The following FGF14 variants were observed in gnomAD, a reference collection of about 807,000 sequenced individuals.
FGF14 encodes the protein fibroblast growth factor homologous factor 4.
A neutral mutation model predicts 25.5 loss-of-function variants in FGF14; 5 were observed. The observed-to-expected ratio is 0.20, with a 90% CI of 0.10 to 0.41. The LOEUF is 0.41. FGF14 is among the 10% of genes least tolerant of loss of function. The pLI, the probability that FGF14 is intolerant of heterozygous loss-of-function variation, is 1.00. For missense variants in FGF14, 222 were observed against 320.1 expected (o/e 0.69, Z 2.34); for synonymous variants, 138 against 118.3 (o/e 1.17, Z -1.08).
intron 3 of FGF14, among the ~76,000 whole-genome samples, chr13:101,829,470 C>T (rs537988074): frequency 6.6e-6 from 1 of 152,122 alleles, no homozygotes; most frequent in African/African-American, 2.4e-5. Flanking sequence ...AATTATACTG[C>T]TTTTGTACCA....
At chr13:102,281,062 T>C (rs76137422) in intron 1 of FGF14, among the ~76,000 whole-genome samples, 2,834 of 152,346 alleles carry the variant, frequency 0.019, 91 homozygotes, top group African/African-American at 0.065. Flanking sequence ...TACTTTCTTT[T>C]ATTCCTTTTT....
At chr13:102,303,465 A>G (rs1566920024) in intron 1 of FGF14, among the ~76,000 whole-genome samples, 1 of 152,242 alleles carries the variant, frequency 6.6e-6, no homozygotes, top group Non-Finnish European at 1.5e-5. Flanking sequence ...AAAGGAAATC[A>G]ATAAAGAATT....
intron 1 of FGF14, among the ~76,000 whole-genome samples, chr13:101,884,647 C>G (rs996163651): frequency 1.3e-5 from 2 of 152,096 alleles, no homozygotes; most frequent in Non-Finnish European, 2.9e-5. Flanking sequence ...AGAATCAACT[C>G]TCCCACAAAG....
In FGF14 at chr13:102,339,140, T is replaced by C. The variant is rs148174484; in HGVS notation, c.208+62331A>G. On this transcript the variant is annotated intron_variant, in intron 1 of 4. Transcript: ENST00000376131. ...TCTTGAGGGTGTGAACACCCCGTTT[T>C]CCATGATGTGCAAATTTCACACCGC... Among the ~76,000 whole-genome samples, 1,230 of 152,190 alleles carry C rather than the reference T, an allele frequency of 8.1e-3. 19 individuals are homozygous for C. The highest frequency in any genetic ancestry group is 0.028 in the African/African-American group (1,155 of 41,566).
In FGF14 at chr13:101,916,806, C is replaced by T. The variant is rs1474601223; in HGVS notation, c.-161G>A. 1.3e-5 allele frequency among the ~76,000 whole-genome samples: 2 copies of T among 152,126 alleles called. No individual in the cohort carries two copies. Among genetic ancestry groups the T allele is most frequent in the East Asian group, 1.9e-4 (1 of 5,146 alleles). ...AGGGGAAGGGGGGCTCAGTCCTGAC[C>T]GGGACCCATCGCCCTCTCCGCGGGG... On this transcript the variant is annotated 5_prime_UTR_variant, in exon 1 of 5. Transcript: ENST00000376143.
chr13:102,269,779 G>A (rs891033753), intron 1 of FGF14, among the ~76,000 whole-genome samples: 3 of 152,080 alleles, frequency 2.0e-5, no homozygotes, highest in Admixed American at 2.0e-4. Flanking sequence ...ATGAGGCAGG[G>A]GGATTGCTTG....
intron 1 of FGF14, among the ~76,000 whole-genome samples, chr13:102,021,712 A>C (rs189494825): frequency 6.6e-5 from 10 of 152,250 alleles, no homozygotes; most frequent in Admixed American, 2.6e-4. Context: ...AAGAGTCCAC[A>C]GATGAGATAA....
intron 1 of FGF14, among the ~76,000 whole-genome samples, chr13:102,398,727 TTA>T (rs1168216719): frequency 1.3e-5 from 2 of 152,022 alleles, no homozygotes; most frequent in East Asian, 3.9e-4. Flanking sequence ...ATTTTAGGCT[TTA>T]TGTTACTAGC....
At position 102,078,648 on chromosome 13, in the gene FGF14, C is replaced by T. The variant is rs139607104; in HGVS notation, c.209-203352G>A. 3.7e-3 allele frequency among the ~76,000 whole-genome samples: 568 copies of T among 152,244 alleles called. 2 individuals carry two copies. The highest frequency in any genetic ancestry group is 6.8e-3 in the Middle Eastern group (2 of 294). ...ATGAACAGAGGGGTAGGATTTGACGCTGCAGAGGGATGGAAGTTCATAGAG... is the reference window on the plus strand; with the variant it reads ...ATGAACAGAGGGGTAGGATTTGACGTTGCAGAGGGATGGAAGTTCATAGAG... On this transcript the variant is annotated intron_variant, in intron 1 of 4. Coordinates refer to the FGF14 transcript ENST00000376131.
intron 1 of FGF14, among the ~76,000 whole-genome samples, chr13:102,398,013 AGTGTGTGTGTGTGTGTGTGTGT>A (rs3067869): frequency 6.8e-6 from 1 of 147,150 alleles, no homozygotes; most frequent in Non-Finnish European, 1.5e-5. Flanking sequence ...GACATTTAAG[AGTGTGTGTGTGTGTGTGTGTGT>A]GTGTGTGTGT....
intron 1 of FGF14, among the ~76,000 whole-genome samples, chr13:101,964,994 C>G (rs904352843): frequency 2.0e-5 from 3 of 152,136 alleles, no homozygotes; most frequent in Admixed American, 2.0e-4. Context: ...GTAATCCCAG[C>G]ACTTTGGGAG....
At chr13:101,911,739 T>G (rs963065004) in intron 1 of FGF14, among the ~76,000 whole-genome samples, 3 of 152,140 alleles carry the variant, frequency 2.0e-5, no homozygotes, top group Admixed American at 2.0e-4. Context: ...AGACCATAAT[T>G]TGATCTAACC....
At chr13:102,046,401 C>A (rs1171587728) in intron 1 of FGF14, among the ~76,000 whole-genome samples, 1 of 151,990 alleles carries the variant, frequency 6.6e-6, no homozygotes, top group Non-Finnish European at 1.5e-5. Context: ...ATAAAGAACA[C>A]TAAGAGAAAA....
At chr13:102,121,447 T>C (rs1016644011) in intron 1 of FGF14, among the ~76,000 whole-genome samples, 1 of 151,940 alleles carries the variant, frequency 6.6e-6, no homozygotes, top group African/African-American at 2.4e-5. Context: ...AATAAAAAAA[T>C]CTATTTGATT....
chr13:102,363,085 T>C (rs963483102), intron 1 of FGF14, among the ~76,000 whole-genome samples: 1 of 152,166 alleles, frequency 6.6e-6, no homozygotes, highest in African/African-American at 2.4e-5. Flanking sequence ...TGTGGTAACA[T>C]GAAATACAAT....
intron 1 of FGF14, among the ~76,000 whole-genome samples, chr13:102,052,076 C>G (rs550806916): frequency 6.6e-6 from 1 of 152,076 alleles, no homozygotes; most frequent in African/African-American, 2.4e-5. Context: ...AAAAATTAAT[C>G]CAATTCTGGA....
At chr13:101,845,873 AG>A (rs2043429088) in intron 3 of FGF14, among the ~76,000 whole-genome samples, 1 of 151,930 alleles carries the variant, frequency 6.6e-6, no homozygotes, top group South Asian at 2.1e-4. Flanking sequence ...TTTCCTTTGC[AG>A]GGGGTAGGTG....
At chr13:101,903,238 G>GGTGTGTGTGT (rs3065974) in intron 1 of FGF14, among the ~76,000 whole-genome samples, 255 of 149,586 alleles carry the variant, frequency 1.7e-3, no homozygotes, top group Admixed American at 4.3e-3. Context: ...CTCTAATTGT[G>GGTGTGTGTGT]GTGTGTGTGT....
At chr13:102,354,582 A>G (rs950856575) in intron 1 of FGF14, among the ~76,000 whole-genome samples, 1 of 152,154 alleles carries the variant, frequency 6.6e-6, no homozygotes, top group African/African-American at 2.4e-5. Context: ...CCCCAGCCAC[A>G]TTGGGCACGT....
Sources: gnomAD v4.1 joint callset for allele counts (sites outside exome capture counted in the v4.1 genomes callset) on GRCh38, gnomAD v4.1.1 for gene constraint, MANE v1.5 for transcripts, NCBI Gene and HGNC (gene_info 2026-07-23, HGNC 2026-07-21) for gene names.